The following IPCEF1 variants were observed in gnomAD, a reference collection of about 807,000 sequenced individuals.
IPCEF1 encodes the protein interactor protein for cytohesin exchange factors 1.
A neutral mutation model predicts 50.9 loss-of-function variants in IPCEF1; 31 were observed. The observed-to-expected ratio is 0.61, with a 90% CI of 0.46 to 0.82. IPCEF1 has a LOEUF of 0.82. Ranked by LOEUF, IPCEF1 falls within the 40% of genes least tolerant of loss-of-function variation. IPCEF1 has a pLI of 0.00. For missense variants in IPCEF1, 458 were observed against 514.0 expected, an observed-to-expected ratio of 0.89 and a Z score of 1.05; for synonymous variants, 181 against 192.0, an observed-to-expected ratio of 0.94 and a Z score of 0.47.
chr6:154,181,002 G>A, intron 10 of IPCEF1, among the ~76,000 whole-genome samples: 1 of 152,156 alleles, frequency 6.6e-6, no homozygotes, highest in East Asian at 1.9e-4. Context: ...AGTCATTTGG[G>A]TATTTTGCAT....
chr6:154,332,162 G>A (rs1004179787), intron 1 of IPCEF1, among the ~76,000 whole-genome samples: 12 of 152,048 alleles, frequency 7.9e-5, no homozygotes, highest in Admixed American at 1.3e-4. Context: ...ATGAAACTCC[G>A]CCATAATTTT....
intron 7 of IPCEF1, among the ~76,000 whole-genome samples, chr6:154,218,554 T>C (rs1388465986): frequency 2.0e-5 from 3 of 152,186 alleles, no homozygotes; most frequent in Non-Finnish European, 4.4e-5. Context: ...TACCAAGTAA[T>C]ACCCAGATAC....
chr6:154,290,586 A>C (rs900908499), intron 1 of IPCEF1, among the ~76,000 whole-genome samples: 1 of 152,216 alleles, frequency 6.6e-6, no homozygotes, highest in Non-Finnish European at 1.5e-5. Flanking sequence ...GCAAGAATCA[A>C]GTTGGTGCAG....
At chr6:154,191,477 C>T (rs934334200) in intron 10 of IPCEF1, among the ~76,000 whole-genome samples, 1 of 151,976 alleles carries the variant, frequency 6.6e-6, no homozygotes, top group Admixed American at 6.6e-5. Flanking sequence ...GGTTTGAGAC[C>T]AACCTGGACA....
chr6:154,349,560 A>G (rs1784088896), intron 1 of IPCEF1, among the ~76,000 whole-genome samples: 1 of 152,084 alleles, frequency 6.6e-6, no homozygotes, highest in Non-Finnish European at 1.5e-5. Flanking sequence ...GATTATAGGC[A>G]TGAGCCACTG....
chr6:154,237,474 C>G (rs571169040), intron 5 of IPCEF1, among the ~76,000 whole-genome samples: 1 of 152,216 alleles, frequency 6.6e-6, no homozygotes, highest in Non-Finnish European at 1.5e-5. Flanking sequence ...GCACAATTCT[C>G]CTGCATCCTA....
intron 1 of IPCEF1, among the ~76,000 whole-genome samples, chr6:154,326,916 C>T (rs953946637): frequency 1.3e-5 from 2 of 152,112 alleles, no homozygotes; most frequent in Admixed American, 6.6e-5. Flanking sequence ...GACCACACAC[C>T]TACATCCATC....
chr6:154,284,473 G>A (rs57944427), intron 2 of IPCEF1, among the ~76,000 whole-genome samples: 1 of 152,320 alleles, frequency 6.6e-6, no homozygotes, highest in African/African-American at 2.4e-5. Flanking sequence ...GGCCGTGTGA[G>A]TTGTTCTGAC....
chr6:154,322,069 T>C (rs1251181795), intron 1 of IPCEF1, among the ~76,000 whole-genome samples: 1 of 152,140 alleles, frequency 6.6e-6, no homozygotes, highest in African/African-American at 2.4e-5. Flanking sequence ...TATATCATCA[T>C]ATTAAAATAA....
intron 10 of IPCEF1, among the ~76,000 whole-genome samples, chr6:154,187,279 T>C (rs1243985500): frequency 3.3e-5 from 5 of 152,150 alleles, no homozygotes; most frequent in Non-Finnish European, 7.3e-5. Flanking sequence ...CTAACCCCCT[T>C]GCCCTGCCTC....
chr6:154,312,521 T>C (rs1478552812), intron 1 of IPCEF1, among the ~76,000 whole-genome samples: 2 of 152,048 alleles, frequency 1.3e-5, no homozygotes, highest in Admixed American at 6.6e-5. Context: ...TAATTTTTTG[T>C]GTTTTTAGTA....
At chr6:154,309,304 G>A (rs1881175) in intron 1 of IPCEF1, among the ~76,000 whole-genome samples, 119,475 of 152,086 alleles carry the variant, frequency 0.79, 47,603 homozygotes, top group African/African-American at 0.9. Context: ...ATTAAGATGA[G>A]TATCTGTCCC....
chr6:154,340,994 A>G (rs1269688532), intron 1 of IPCEF1, among the ~76,000 whole-genome samples: 2 of 152,106 alleles, frequency 1.3e-5, no homozygotes, highest in Non-Finnish European at 2.9e-5. Flanking sequence ...ATATGTAAGA[A>G]GTACATTGGT....
At chr6:154,329,475 T>C (rs1300994240) in intron 1 of IPCEF1, among the ~76,000 whole-genome samples, 2 of 152,076 alleles carry the variant, frequency 1.3e-5, no homozygotes, top group East Asian at 3.9e-4. Flanking sequence ...CACATGCCTG[T>C]AGTCCCAGCT....
intron 5 of IPCEF1, among the ~76,000 whole-genome samples, chr6:154,243,310 T>C (rs187082368): frequency 1.2e-4 from 18 of 152,340 alleles, no homozygotes; most frequent in East Asian, 5.8e-4. Context: ...TTTCTACGGC[T>C]GTTAAACTTG....
intron 2 of IPCEF1, among the ~76,000 whole-genome samples, chr6:154,282,101 G>A (rs565981486): frequency 5.3e-5 from 8 of 151,476 alleles, no homozygotes; most frequent in African/African-American, 1.7e-4. Flanking sequence ...CCTGGGAAGC[G>A]GAGGTGGCAA....
At chr6:154,265,561 G>A in intron 3 of IPCEF1, among the ~76,000 whole-genome samples, 1 of 152,064 alleles carries the variant, frequency 6.6e-6, no homozygotes, top group East Asian at 1.9e-4. Context: ...TTACAGGCAT[G>A]AGCCACCGTG....
chr6:154,279,750 T>G (rs1374499441), intron 2 of IPCEF1, among the ~76,000 whole-genome samples: 2 of 152,206 alleles, frequency 1.3e-5, no homozygotes, highest in Admixed American at 6.5e-5. Flanking sequence ...AGAAGAGGTA[T>G]GTGCCATACA....
At chr6:154,328,081 A>AG (rs1272525547) in intron 1 of IPCEF1, among the ~76,000 whole-genome samples, 4 of 152,078 alleles carry the variant, frequency 2.6e-5, no homozygotes, top group Non-Finnish European at 5.9e-5. Flanking sequence ...TGGTTGGGGG[A>AG]GGGGGAGCAT....
Sources: gnomAD v4.1 joint callset for allele counts (sites outside exome capture counted in the v4.1 genomes callset) on GRCh38, gnomAD v4.1.1 for gene constraint, MANE v1.5 for transcripts, NCBI Gene and HGNC (gene_info 2026-07-23, HGNC 2026-07-21) for gene names.